SPINK5: variants seen among roughly 807,000 people sequenced by gnomAD.
SPINK5 encodes serine peptidase inhibitor Kazal type 5, also known as serine protease inhibitor Kazal-type 5.
A neutral mutation model predicts 151.8 loss-of-function variants in SPINK5; 125 were observed. That is an observed-to-expected ratio of 0.82 (90% CI 0.71 to 0.96). SPINK5 has a LOEUF of 0.96. Ranked by LOEUF, SPINK5 falls within the 40% of genes least tolerant of loss-of-function variation. The pLI is 0.00. For synonymous variants in SPINK5, 374 were observed against 395.3 expected (o/e 0.95, Z 0.64); for missense variants, 1,194 against 1,291.9 (o/e 0.92, Z 1.16).
chr5:148,089,412 C>T lies in SPINK5; in HGVS notation c.475-82C>T, dbSNP rs577276693. On this transcript the variant is annotated intron_variant, in intron 6 of 32. Transcript: ENST00000256084. ...GTGGCCCATAGCAATGTCAGAGGGA[C>T]TGAGTTCAATAAAATTTCTGAAAAC... 60 of 1,598,474 alleles carry T rather than the reference C, an allele frequency of 3.8e-5. 1 individual carries two copies. In the South Asian group the frequency reaches 5.9e-4, roughly 16 times the overall value.
At chr5:148,129,983 ACT>A (rs1404019997) in intron 30 of SPINK5, among the ~76,000 whole-genome samples, 1 of 151,774 alleles carries the variant, frequency 6.6e-6, no homozygotes, top group Non-Finnish European at 1.5e-5. Context: ...TGTTTTCTTG[ACT>A]CTGGTCAATT....
Position 148,116,423 on chromosome 5 carries a change from C to A in SPINK5, c.2069C>A (p.Ala690Asp). The A allele has an allele frequency of 6.2e-7, 1 of 1,614,118 alleles. No individual in the cohort carries two copies. Among genetic ancestry groups the A allele is most frequent in the Non-Finnish European group, 8.5e-7 (1 of 1,179,990 alleles). ...KRKEEEDQRNAAGHGSSGGGG... is the reference protein window; with the variant it reads ...KRKEEEDQRNDAGHGSSGGGG... Reference sequence around the variant, plus strand: ...AAAGAAGAGGAAGATCAGAGAAATGCTGCAGGACATGGTTCCAGTGGTGGT... The same window carrying A: ...AAAGAAGAGGAAGATCAGAGAAATGATGCAGGACATGGTTCCAGTGGTGGT... Residue 690 changes from alanine to aspartate, a missense_variant, in exon 22 of 33, where the codon GCT becomes GAT. By Grantham distance (126) the Ala-to-Asp change is moderately radical. Transcript: ENST00000256084.
intron 22 of SPINK5, among the ~76,000 whole-genome samples, chr5:148,117,020 T>C (rs1754111971): frequency 6.6e-6 from 1 of 152,216 alleles, no homozygotes; most frequent in Non-Finnish European, 1.5e-5. Flanking sequence ...AGGTTTAGCA[T>C]GTTTCTTGAG....
At chr5:148,099,156 T>A (rs2113110462) in intron 11 of SPINK5, 78 bp from the exon 12 acceptor site, 1 of 1,346,422 alleles carries the variant, frequency 7.4e-7, no homozygotes, top group Middle Eastern at 1.8e-4. Context: ...GGGAGAACAG[T>A]TAACAGTGCA....
intron 15 of SPINK5, among the ~76,000 whole-genome samples, chr5:148,104,052 G>A (rs1401758397): frequency 1.3e-5 from 2 of 152,110 alleles, no homozygotes; most frequent in Admixed American, 1.3e-4. Context: ...TTTCAATAAT[G>A]ACAATAATGA....
chr5:148,074,796 G>A (rs1007627662), intron 4 of SPINK5, among the ~76,000 whole-genome samples: 1 of 151,474 alleles, frequency 6.6e-6, no homozygotes, highest in Admixed American at 6.6e-5. Flanking sequence ...TTATGAATAA[G>A]TCATATAATT....
At chr5:148,109,967 T>G (rs55862047) in intron 18 of SPINK5, among the ~76,000 whole-genome samples, 22,268 of 152,130 alleles carry the variant, frequency 0.15, 2,153 homozygotes, top group East Asian at 0.32. Context: ...TGGCCACCTT[T>G]TGGTTTCTGG....
intron 4 of SPINK5, among the ~76,000 whole-genome samples, chr5:148,084,152 A>AT (rs1434985553): frequency 6.6e-6 from 1 of 151,786 alleles, no homozygotes; most frequent in Non-Finnish European, 1.5e-5. Flanking sequence ...AGTATATTCT[A>AT]TTTTTTACTT....
chr5:148,086,270 C>T, intron 4 of SPINK5, 135 bp from the exon 5 acceptor site: 3 of 1,027,226 alleles, frequency 2.9e-6, no homozygotes, highest in Non-Finnish European at 4.2e-6. Context: ...TTTATTAGCT[C>T]AATGTAGCCT....
rs767292528 is a variant in SPINK5 at position 148,124,860 on chromosome 5, A to C, written c.2739+23A>C. On this transcript the variant is annotated intron_variant, in intron 28 of 32. Transcript: ENST00000256084. ...AAGGTTATTTATTAAAGGATACCAA[A>C]ATAACCATTTTACTTTTCACCTTCA... The C allele has an allele frequency of 1.9e-6, 3 of 1,568,980 alleles. No homozygotes were observed. In the South Asian group the frequency reaches 3.7e-5, roughly 19 times the overall value.
chr5:148,089,652 T>A (rs1160746204), intron 7 of SPINK5, 31 bp downstream of exon 7: 1 of 1,610,948 alleles, frequency 6.2e-7, no homozygotes, highest in East Asian at 2.2e-5. Context: ...GTGGACTTGA[T>A]GATGATGCAC....
intron 20 of SPINK5, among the ~76,000 whole-genome samples, chr5:148,114,073 G>A (rs949702604): frequency 6.6e-6 from 1 of 152,010 alleles, no homozygotes; most frequent in South Asian, 2.1e-4. Context: ...AATTTCTCAC[G>A]TAACCCTAAA....
intron 22 of SPINK5, among the ~76,000 whole-genome samples, chr5:148,116,905 T>C (rs1433954722): frequency 6.6e-6 from 1 of 152,226 alleles, no homozygotes; most frequent in Non-Finnish European, 1.5e-5. Context: ...CTGCTCCTAC[T>C]ACCTGGACTT....
chr5:148,071,877 T>C (rs1326676649), intron 3 of SPINK5, among the ~76,000 whole-genome samples: 11 of 152,134 alleles, frequency 7.2e-5, no homozygotes, highest in Admixed American at 7.2e-4. Flanking sequence ...GCTTTGAGAG[T>C]TGGTGACCAC....
chr5:148,105,146 T>G, intron 16 of SPINK5, 146 bp downstream of exon 16: 1 of 899,532 alleles, frequency 1.1e-6, no homozygotes, highest in Non-Finnish European at 1.7e-6. Context: ...ACAAAAAGGG[T>G]CCTGATAAGA....
chr5:148,083,981 C>G lies in SPINK5; in HGVS notation c.283-2424C>G, dbSNP rs549544534. On this transcript the variant is annotated intron_variant, in intron 4 of 32. Transcript: ENST00000256084. ...TTATCATTTGAATATTTTCCATATA[C>G]AAAATTTCCACTTTGTTCTTCCTTT... 5.9e-5 allele frequency among the ~76,000 whole-genome samples: 9 copies of G among 151,834 alleles called. 1 individual carries two copies. The South Asian group carries it at 1.5e-3, about 25-fold the overall frequency.
In SPINK5 at chr5:148,097,972, T is replaced by G; in HGVS notation, c.988T>G (p.Cys330Gly). Residue 330 changes from cysteine (C) to glycine (G), a missense_variant, in exon 11 of 33, where the codon TGT becomes GGT. By Grantham distance (159) the Cys-to-Gly change is radical. Transcript: ENST00000256084. ...GPDGKMHGNL[C>G]SMCQAYFQAE... is the part of the protein sequence containing the mutation. ...AGATGGGAAAATGCATGGCAACTTGTGTTCCATGTGTCAAGCCTACTTGTG... is the reference window on the plus strand; with the variant it reads ...AGATGGGAAAATGCATGGCAACTTGGGTTCCATGTGTCAAGCCTACTTGTG... The G allele has an allele frequency of 6.2e-7, 1 of 1,612,060 alleles. No individual in the cohort carries two copies. Among genetic ancestry groups the G allele is most frequent in the Non-Finnish European group, 8.5e-7 (1 of 1,178,588 alleles).
intron 10 of SPINK5, among the ~76,000 whole-genome samples, chr5:148,096,413 C>T (rs774314715): frequency 3.9e-5 from 6 of 151,926 alleles, no homozygotes; most frequent in Non-Finnish European, 8.8e-5. Flanking sequence ...GGCATTGTAC[C>T]TGGTTTGTAC....
intron 5 of SPINK5, among the ~76,000 whole-genome samples, chr5:148,088,249 T>C (rs1753211786): frequency 6.6e-6 from 1 of 151,844 alleles, no homozygotes; most frequent in Admixed American, 6.6e-5. Flanking sequence ...GTTACAAGCT[T>C]TACTTTTCCC....
Sources: allele counts gnomAD v4.1 joint callset (sites outside exome capture counted in the v4.1 genomes callset), GRCh38; gene constraint gnomAD v4.1.1; transcripts MANE v1.5; gene names NCBI Gene and HGNC (gene_info 2026-07-23, HGNC 2026-07-21).